The following SLC9A8 variants were observed in gnomAD, a reference collection of about 807,000 sequenced individuals.
SLC9A8 encodes solute carrier family 9 member A8.
In SLC9A8, 48 loss-of-function variants were observed where a neutral mutation model predicts 66.6. The ratio of observed to expected loss-of-function variants is 0.72; its 90% confidence interval spans 0.57 to 0.92. The LOEUF is 0.92. SLC9A8 is among the 40% of genes least tolerant of loss of function. The pLI is 0.00. For missense variants in SLC9A8, 599 were observed against 747.3 expected (o/e 0.80, Z 2.31); for synonymous variants, 274 against 282.6 (o/e 0.97, Z 0.31).
chr20:49,864,857 G>A lies in SLC9A8; in HGVS notation c.958+13G>A. 1 of 1,528,678 alleles carries A rather than the reference G, an allele frequency of 6.5e-7. No individual in the cohort carries two copies. Among genetic ancestry groups the A allele is most frequent in the Non-Finnish European group, 9.1e-7 (1 of 1,101,808 alleles). 94.7% of individuals were successfully genotyped at this position (1,528,678 alleles called of 1,614,324 possible). On this transcript the variant is annotated intron_variant, in intron 10 of 15. Transcript: ENST00000361573. Reference sequence around the variant, plus strand: ...ATCTCACTCTCAGGTAAGTGACAGAGAGCCTGAAAGTGCTGTGGTGATGGC... The same window carrying A: ...ATCTCACTCTCAGGTAAGTGACAGAAAGCCTGAAAGTGCTGTGGTGATGGC...
At chr20:49,823,028 T>C (rs767647541) in intron 2 of SLC9A8, 33 bp from the exon 3 acceptor site, 91 of 1,563,016 alleles carry the variant, frequency 5.8e-5, no homozygotes, top group Non-Finnish European at 7.5e-5. Context: ...TGAGTGTTTT[T>C]TTTAAAACAT....
At chr20:49,862,838 G>A (rs1013650900) in intron 8 of SLC9A8, 91 bp from the exon 9 acceptor site, 2 of 1,008,030 alleles carry the variant, frequency 2.0e-6, no homozygotes, top group East Asian at 2.6e-5. Flanking sequence ...ATGAATGAAT[G>A]AGCGAATAAG....
intron 10 of SLC9A8, among the ~76,000 whole-genome samples, chr20:49,871,527 C>T (rs1181023935): frequency 6.6e-6 from 1 of 152,208 alleles, no homozygotes; most frequent in East Asian, 1.9e-4. Context: ...AAAAGTTATC[C>T]TGGTTTGCAC....
At chr20:49,845,953 G>C (rs959089931) in intron 5 of SLC9A8, among the ~76,000 whole-genome samples, 37 of 152,116 alleles carry the variant, frequency 2.4e-4, no homozygotes, top group African/African-American at 8.7e-4. Context: ...TTCTGCCTCA[G>C]CCTCCTGAGT....
chr20:49,830,566 G>T, intron 3 of SLC9A8: 1 of 615,964 alleles, frequency 1.6e-6, no homozygotes, highest in Non-Finnish European at 2.9e-6. Context: ...AGGTCGGGGG[G>T]TCGCTTTCCA....
At chr20:49,859,444 A>G (rs953932273) in intron 8 of SLC9A8, among the ~76,000 whole-genome samples, 2 of 151,564 alleles carry the variant, frequency 1.3e-5, no homozygotes, top group Admixed American at 6.6e-5. Flanking sequence ...AGATACAGAA[A>G]AGGGGCATGT....
At chr20:49,887,679 T>C (rs1351513420) in intron 15 of SLC9A8, 150 bp from the exon 16 acceptor site, 8 of 596,276 alleles carry the variant, frequency 1.3e-5, no homozygotes, top group Non-Finnish European at 2.1e-5. Flanking sequence ...CCAGCTCAGT[T>C]TGTTCAACTG....
intron 10 of SLC9A8, among the ~76,000 whole-genome samples, chr20:49,866,751 G>T (rs2088986015): frequency 6.6e-6 from 1 of 152,054 alleles, no homozygotes; most frequent in South Asian, 2.1e-4. Context: ...GTTTACTCCA[G>T]TTATGAGAGG....
chr20:49,812,858 G>A lies in SLC9A8; in HGVS notation c.-65G>A, dbSNP rs1003170891. 3.2e-5 allele frequency: 48 copies of A among 1,489,300 alleles called. No homozygotes were observed. The highest frequency in any genetic ancestry group is 4.3e-5 in the Non-Finnish European group (48 of 1,121,502). 92.3% of individuals were successfully genotyped at this position (1,489,300 alleles called of 1,614,324 possible). ...CCCGCCCGCGCCTCCAGCGGAAGCCGGAAGCAAAAGCGGGTCCTGCTAGCC... is the reference window on the plus strand; with the variant it reads ...CCCGCCCGCGCCTCCAGCGGAAGCCAGAAGCAAAAGCGGGTCCTGCTAGCC... On this transcript the variant is annotated 5_prime_UTR_variant, in exon 1 of 16. Coordinates refer to ENST00000361573, the MANE Select transcript of SLC9A8 (RefSeq NM_015266.3).
At chr20:49,883,308 C>T (rs1001045030) in intron 13 of SLC9A8, among the ~76,000 whole-genome samples, 1 of 152,166 alleles carries the variant, frequency 6.6e-6, no homozygotes, top group Non-Finnish European at 1.5e-5. Flanking sequence ...GGGACAGCAT[C>T]TCGAGATAGG....
chr20:49,842,253 A>G (rs1378686019), intron 4 of SLC9A8, among the ~76,000 whole-genome samples: 3 of 151,384 alleles, frequency 2.0e-5, no homozygotes, highest in African/African-American at 7.3e-5. Flanking sequence ...TATTTTTAGT[A>G]GAGATGGGGT....
Position 49,874,794 on chromosome 20 carries a change from A to T in SLC9A8, c.1048A>T (p.Thr350Ser), listed in dbSNP as rs1382218604. 1 of 1,613,302 alleles carries T rather than the reference A, an allele frequency of 6.2e-7. No homozygotes were observed. The change falls in exon 11 of 16, where the codon ACC (threonine) becomes TCC (serine). Residue 350 changes from threonine to serine, a missense_variant. Transcript: ENST00000361573. ...AGTCACCCAGATCCTCATGCAGCAGACCCTCCGCACCGTGGCCTTCTTATG... is the reference window on the plus strand; with the variant it reads ...AGTCACCCAGATCCTCATGCAGCAGTCCCTCCGCACCGTGGCCTTCTTATG... ...SPVTQILMQQ[T>S]LRTVAFLCET...
chr20:49,830,767 T>A, intron 3 of SLC9A8: 1 of 807,686 alleles, frequency 1.2e-6, no homozygotes, highest in South Asian at 1.4e-5. Flanking sequence ...CAAGGGAGCT[T>A]CATAGCCATG....
chr20:49,846,419 G>C (rs943344362), intron 5 of SLC9A8, among the ~76,000 whole-genome samples: 24 of 151,330 alleles, frequency 1.6e-4, no homozygotes, highest in African/African-American at 5.8e-4. Flanking sequence ...GCCCCCTACA[G>C]GTTTCTTTTT....
intron 2 of SLC9A8, among the ~76,000 whole-genome samples, chr20:49,822,021 C>G (rs2086756450): frequency 6.6e-6 from 1 of 152,128 alleles, no homozygotes; most frequent in South Asian, 2.1e-4. Context: ...GTCTAGAAGC[C>G]TCAGTTTTCT....
chr20:49,884,863 C>T (rs951566366), intron 14 of SLC9A8, among the ~76,000 whole-genome samples: 3 of 152,214 alleles, frequency 2.0e-5, no homozygotes, highest in African/African-American at 7.2e-5. Context: ...GCCCTCTGAC[C>T]GAAGCAGAGG....
At chr20:49,825,060 A>C (rs2086867863) in intron 3 of SLC9A8, among the ~76,000 whole-genome samples, 1 of 152,186 alleles carries the variant, frequency 6.6e-6, no homozygotes, top group African/African-American at 2.4e-5. Flanking sequence ...GCTCAAAGAC[A>C]AAAGCCAGAA....
At chr20:49,840,564 G>A (rs901805052) in intron 4 of SLC9A8, among the ~76,000 whole-genome samples, 2 of 152,096 alleles carry the variant, frequency 1.3e-5, no homozygotes, top group Non-Finnish European at 2.9e-5. Context: ...GTTATAAATA[G>A]TAGTAATGAA....
intron 2 of SLC9A8, among the ~76,000 whole-genome samples, chr20:49,816,305 C>G (rs917125458): frequency 6.6e-6 from 1 of 151,380 alleles, no homozygotes; most frequent in Admixed American, 6.6e-5. Flanking sequence ...CTGTAATCCC[C>G]GCTACTCAGG....
Sources: allele counts gnomAD v4.1 joint callset (sites outside exome capture counted in the v4.1 genomes callset), GRCh38; gene constraint gnomAD v4.1.1; transcripts MANE v1.5; gene names NCBI Gene and HGNC (gene_info 2026-07-23, HGNC 2026-07-21).